Variants in SERPINB12 observed in about 807,000 individuals in gnomAD.
SERPINB12 encodes serpin family B member 12, also known as serpin B12.
Under a neutral mutation model 41.1 loss-of-function variants are expected in SERPINB12, and 57 were observed. The observed-to-expected ratio is 1.39, with a 90% CI of 1.12 to 1.73. The LOEUF (loss-of-function observed/expected upper bound fraction) is 1.73. Ranked by LOEUF, SERPINB12 falls within the 40% of genes most tolerant of loss-of-function variation. The pLI, the probability that SERPINB12 is intolerant of heterozygous loss-of-function variation, is 0.00. For synonymous variants in SERPINB12, 180 were observed against 181.3 expected (o/e 0.99, Z 0.06); for missense variants, 536 against 501.9 (o/e 1.07, Z -0.65).
upstream of SERPINB12, among the ~76,000 whole-genome samples, chr18:63,540,499 T>C (rs1410866422): frequency 6.6e-6 from 1 of 152,176 alleles, no homozygotes; most frequent in African/African-American, 2.4e-5. Flanking sequence ...CATTCCAGCT[T>C]AAAAATGCTC....
chr18:63,552,290 C>A (rs567851990), intron 1 of SERPINB12, among the ~76,000 whole-genome samples: 1 of 152,216 alleles, frequency 6.6e-6, no homozygotes, highest in South Asian at 2.1e-4. Context: ...TCAAAAAGAC[C>A]ATAAACTCAT....
At chr18:63,559,862 C>A in intron 4 of SERPINB12, 144 bp downstream of exon 4, 1 of 760,182 alleles carries the variant, frequency 1.3e-6, no homozygotes, top group Non-Finnish European at 2.1e-6. Context: ...GTGTCCAGGA[C>A]CTCCCTCTTT....
intron 7 of SERPINB12, 91 bp from the exon 8 acceptor site, chr18:63,566,516 C>T (rs1911102700): frequency 3.5e-6 from 4 of 1,138,550 alleles, no homozygotes; most frequent in East Asian, 4.7e-5. Flanking sequence ...TGTCACTGCC[C>T]ACTGAAAGGG....
chr18:63,523,971 T>C, the SERPINB12 span, among the ~76,000 whole-genome samples: 1 of 152,132 alleles, frequency 6.6e-6, no homozygotes, highest in African/African-American at 2.4e-5. Flanking sequence ...GAAATAAAAT[T>C]GCCATTCTAA....
In SERPINB12 at chr18:63,568,981, T is replaced by C. The variant is rs1164950090; in HGVS notation, c.*1970T>C. 6.6e-6 allele frequency among the ~76,000 whole-genome samples: 1 copy of C among 152,214 alleles called. No homozygotes were observed. The highest frequency in any genetic ancestry group is 2.4e-5 in the African/African-American group (1 of 41,458). On this transcript the variant is annotated 3_prime_UTR_variant, in exon 8 of 8. Coordinates refer to ENST00000382768, the MANE Select transcript of SERPINB12 (RefSeq NM_001307928.2). ...TAATTTCAGATAACCAAAAACTTCA[T>C]GTCCCCTGTGGTTCCTTTTGGGGTT...
chr18:63,539,606 C>G (rs1910236014), upstream of SERPINB12, among the ~76,000 whole-genome samples: 1 of 151,974 alleles, frequency 6.6e-6, no homozygotes, highest in Non-Finnish European at 1.5e-5. Context: ...CGCCTGCTTT[C>G]AAAACAAAAC....
chr18:63,556,220 A>G lies in SERPINB12; in HGVS notation c.61A>G (p.Lys21Glu), dbSNP rs777201250. 6.2e-7 allele frequency: 1 copy of G among 1,614,126 alleles called. No individual in the cohort carries two copies. Among genetic ancestry groups the G allele is most frequent in the South Asian group, 1.1e-5 (1 of 91,072 alleles). Residue 21 changes from lysine to glutamate, a missense_variant, in exon 2 of 8, where the codon AAA becomes GAA. Physicochemically the swap from Lys to Glu is moderately conservative, Grantham distance 56. Coordinates refer to ENST00000382768, the MANE Select transcript of SERPINB12 (RefSeq NM_001307928.2). Reference sequence around the variant, plus strand: ...CTTTGATCTTTTTCAAGAGATAGGCAAAGATGATCGTCATAAAAACATATT... The same window carrying G: ...CTTTGATCTTTTTCAAGAGATAGGCGAAGATGATCGTCATAAAAACATATT... ...FCFDLFQEIG[K>E]DDRHKNIFFS... is the part of the protein sequence containing the mutation.
intron 2 of SERPINB12, among the ~76,000 whole-genome samples, chr18:63,556,985 G>T (rs1461197722): frequency 1.3e-5 from 2 of 152,168 alleles, no homozygotes; most frequent in Non-Finnish European, 2.9e-5. Flanking sequence ...TAAAACCTGA[G>T]CCAGATTCTA....
At chr18:63,560,529 A>G (rs1420079061) in intron 4 of SERPINB12, among the ~76,000 whole-genome samples, 1 of 152,264 alleles carries the variant, frequency 6.6e-6, no homozygotes, top group Non-Finnish European at 1.5e-5. Context: ...AAAGTACACA[A>G]ACCAATGGGT....
the SERPINB12 span, among the ~76,000 whole-genome samples, chr18:63,533,028 G>C: frequency 1.3e-5 from 2 of 151,934 alleles, no homozygotes; most frequent in Non-Finnish European, 2.9e-5. Flanking sequence ...GTCCAGGCTG[G>C]AGTGCAGTGG....
the SERPINB12 span, among the ~76,000 whole-genome samples, chr18:63,532,996 C>T: frequency 4.0e-5 from 6 of 151,382 alleles, no homozygotes; most frequent in African/African-American, 9.7e-5. Flanking sequence ...TCTTTTTTTT[C>T]GAGACAGAAT....
At chr18:63,545,038 G>T (rs1385092344) in intron 1 of SERPINB12, among the ~76,000 whole-genome samples, 1 of 152,074 alleles carries the variant, frequency 6.6e-6, no homozygotes, top group African/African-American at 2.4e-5. Flanking sequence ...GACTTTGATT[G>T]CTGAATCATT....
chr18:63,549,887 G>GTGGCC, intron 1 of SERPINB12, among the ~76,000 whole-genome samples: 1 of 152,334 alleles, frequency 6.6e-6, no homozygotes, highest in East Asian at 1.9e-4. Context: ...GCTCCAGAGG[G>GTGGCC]TGGCCTGGTA....
At chr18:63,553,325 A>G (rs1306879372) in intron 1 of SERPINB12, among the ~76,000 whole-genome samples, 1 of 152,190 alleles carries the variant, frequency 6.6e-6, no homozygotes, top group Non-Finnish European at 1.5e-5. Flanking sequence ...GCTTCTGGAC[A>G]GCTGCATGAT....
intron 1 of SERPINB12, among the ~76,000 whole-genome samples, chr18:63,548,272 C>G (rs930494122): frequency 6.6e-6 from 1 of 151,912 alleles, no homozygotes; most frequent in Non-Finnish European, 1.5e-5. Flanking sequence ...GAAAAAAATA[C>G]CTTTAAAAAA....
At chr18:63,553,977 C>T (rs561220230) in intron 1 of SERPINB12, among the ~76,000 whole-genome samples, 1 of 152,162 alleles carries the variant, frequency 6.6e-6, no homozygotes, top group Non-Finnish European at 1.5e-5. Flanking sequence ...AGGCATAATG[C>T]TCCTGAAAAC....
intron 6 of SERPINB12, among the ~76,000 whole-genome samples, chr18:63,565,221 C>T (rs1019653214): frequency 3.3e-5 from 5 of 152,026 alleles, no homozygotes; most frequent in South Asian, 2.1e-4. Flanking sequence ...CCCCCATCCC[C>T]GTCACTCCAC....
intron 2 of SERPINB12, among the ~76,000 whole-genome samples, chr18:63,557,256 C>T (rs1237182023): frequency 1.3e-5 from 2 of 152,170 alleles, no homozygotes; most frequent in East Asian, 3.8e-4. Flanking sequence ...CCTCAGCTCA[C>T]TTTCTTCTTC....
chr18:63,543,201 A>G (rs1330827161), intron 1 of SERPINB12, among the ~76,000 whole-genome samples: 1 of 152,174 alleles, frequency 6.6e-6, no homozygotes, highest in Non-Finnish European at 1.5e-5. Flanking sequence ...AGGTCCTTGA[A>G]AAATGTTTAT....
Sources: allele counts gnomAD v4.1 joint callset (sites outside exome capture counted in the v4.1 genomes callset), GRCh38; gene constraint gnomAD v4.1.1; transcripts MANE v1.5; gene names NCBI Gene and HGNC (gene_info 2026-07-23, HGNC 2026-07-21).